Variants in ADCY3 observed in about 807,000 individuals in gnomAD.
ADCY3 encodes the protein adenylate cyclase type 3.
In ADCY3, 70 loss-of-function variants were observed where a neutral mutation model predicts 119.4. The observed-to-expected ratio is 0.59, with a 90% CI of 0.48 to 0.72. The LOEUF (loss-of-function observed/expected upper bound fraction) is 0.72, where lower values mean the gene tolerates loss of function less well. ADCY3 is among the 30% of genes least tolerant of loss of function. The probability of loss-of-function intolerance (pLI) is 0.00; values close to 1 mark genes in which losing one functional copy is unlikely to be tolerated. For synonymous variants in ADCY3, 672 were observed against 621.4 expected, an observed-to-expected ratio of 1.08 and a Z score of -1.21; for missense variants, 1,238 against 1,541.6, an observed-to-expected ratio of 0.80 and a Z score of 3.30.
chr2:24,908,080 G>A (rs1213917706), intron 2 of ADCY3, among the ~76,000 whole-genome samples: 1 of 152,154 alleles, frequency 6.6e-6, no homozygotes, highest in Non-Finnish European at 1.5e-5. Context: ...CCAGCACTTT[G>A]GAAGGCCAAG....
intron 17 of ADCY3, among the ~76,000 whole-genome samples, chr2:24,823,793 G>A (rs901909763): frequency 1.3e-5 from 2 of 150,936 alleles, no homozygotes; most frequent in African/African-American, 2.4e-5. Flanking sequence ...CCGGGTTCAA[G>A]TGAGTCTCCT....
At chr2:24,821,775 A>G in intron 19 of ADCY3, 135 bp from the exon 20 acceptor site, 2 of 1,344,112 alleles carry the variant, frequency 1.5e-6, no homozygotes, top group Non-Finnish European at 2.0e-6. Flanking sequence ...CCTCCCACAA[A>G]GGAGTCGCAG....
intron 3 of ADCY3, among the ~76,000 whole-genome samples, chr2:24,855,414 C>T (rs1055746081): frequency 2.0e-5 from 3 of 152,110 alleles, no homozygotes; most frequent in Non-Finnish European, 2.9e-5. Context: ...TCCCAGAAAC[C>T]GAGAGAGAAG....
At position 24,831,756 on chromosome 2, in the gene ADCY3, CAGAG is replaced by C. The variant is rs746536259; in HGVS notation, c.1968-11_1968-8del. On this transcript the variant is annotated splice_polypyrimidine_tract_variant and splice_region_variant and intron_variant, in intron 11 of 21. Coordinates refer to ENST00000679454, the MANE Select transcript of ADCY3 (RefSeq NM_004036.5). ...CACATAGTTTGTCATTAGCCTGTGACAGAGAGAAGACAATTGGGAGAGGCCAGAG... is the reference window on the plus strand; with the variant it reads ...CACATAGTTTGTCATTAGCCTGTGACAGAAGACAATTGGGAGAGGCCAGAG... The C allele has an allele frequency of 8.9e-6, 14 of 1,572,472 alleles. No homozygotes were observed. The highest frequency in any genetic ancestry group is 1.8e-4 in the Middle Eastern group (1 of 5,444).
At chr2:24,907,720 C>T (rs1012554446) in intron 2 of ADCY3, among the ~76,000 whole-genome samples, 4 of 152,154 alleles carry the variant, frequency 2.6e-5, no homozygotes, top group African/African-American at 4.8e-5. Context: ...CAAGACTGGG[C>T]GCAGTAGCTC....
At position 24,895,248 on chromosome 2, in the gene ADCY3, G is replaced by A. The variant is rs149371014; in HGVS notation, c.676-22529C>T. On this transcript the variant is annotated intron_variant, in intron 2 of 21. Transcript: ENST00000679454. The stretch of plus-strand genomic sequence containing the variant: ...TGGGACTACGGGCACACACCACCAC[G>A]CCCAGCTAATTTTTGTATTTTTAGG... 1.6e-4 allele frequency among the ~76,000 whole-genome samples: 24 copies of A among 151,162 alleles called. No homozygotes were observed. In the East Asian group the frequency reaches 3.5e-3, roughly 22 times the overall value.
Position 24,820,040 on chromosome 2 carries a change from C to G in ADCY3, c.3327G>C (p.Lys1109Asn), listed in dbSNP as rs909892799. Residue 1109 changes from lysine (K) to asparagine (N), a missense_variant, in exon 22 of 22, where the codon AAG (lysine) becomes AAC (asparagine). By Grantham distance (94) the Lys-to-Asn change is moderately conservative. Around this residue, in one of 7 missense-constraint regions of ADCY3, gnomAD observed 86 missense variants for 70.7 expected, o/e 1.22. Coordinates refer to ENST00000679454, the MANE Select transcript of ADCY3 (RefSeq NM_004036.5). Reference protein sequence around the residue: ...RFVRRGPIFVKGKGELLTFFL... With the variant: ...RFVRRGPIFVNGKGELLTFFL... ...AGAAGGTCAGCAGCTCCCCCTTCCC[C>G]TTCACAAAGATGGGGCCTCGCCTCA... 7 of 1,607,938 alleles carry G rather than the reference C, an allele frequency of 4.4e-6. No homozygotes were observed. The highest frequency in any genetic ancestry group is 5.9e-6 in the Non-Finnish European group (7 of 1,177,376).
At chr2:24,901,449 T>C (rs912602309) in intron 2 of ADCY3, among the ~76,000 whole-genome samples, 1 of 152,326 alleles carries the variant, frequency 6.6e-6, no homozygotes, top group African/African-American at 2.4e-5. Flanking sequence ...AGTGAGTATT[T>C]TGAACATTTT....
At chr2:24,853,533 G>A (rs565433201) in intron 3 of ADCY3, among the ~76,000 whole-genome samples, 115 of 142,572 alleles carry the variant, frequency 8.1e-4, no homozygotes, top group Non-Finnish European at 1.2e-3. Context: ...GCAATGGTGC[G>A]ACCTCGGCTC....
intron 2 of ADCY3, among the ~76,000 whole-genome samples, chr2:24,902,087 T>TG (rs1453284733): frequency 1.1e-4 from 16 of 147,746 alleles, no homozygotes; most frequent in Non-Finnish European, 1.8e-4. Context: ...TTTGGTTTTT[T>TG]TTTTTTTTTT....
Position 24,819,654 on chromosome 2 carries a change from GC to G in ADCY3, c.*277del. ...CACCCTCCTGCTCACAGTGGTCAGG[GC>G]CCCTCAGGGGCAAGGACGGCAGGGA... On this transcript the variant is annotated 3_prime_UTR_variant, in exon 22 of 22. Transcript: ENST00000679454. The G allele has an allele frequency of 2.9e-6, 1 of 339,476 alleles. No homozygotes were observed. The highest frequency in any genetic ancestry group is 5.4e-6 in the Non-Finnish European group (1 of 186,184). 21.0% of individuals were successfully genotyped at this position (339,476 alleles called of 1,614,324 possible).
chr2:24,828,050 G>A lies in ADCY3; in HGVS notation c.2284C>T (p.Leu762Phe), dbSNP rs766456461. Reference protein sequence around the residue: ...KYYNYVAVLSLIATIMLVQVS... With the variant: ...KYYNYVAVLSFIATIMLVQVS... The stretch of plus-strand genomic sequence containing the variant: ...TGCACCAGCATGATGGTGGCGATGA[G>A]GGACAGCACGGCCACATAGTTGTAA... The change falls in exon 14 of 22, where the codon CTC (leucine) becomes TTC (phenylalanine). Residue 762 changes from leucine (L) to phenylalanine (F), a missense_variant. Coordinates refer to ENST00000679454, the MANE Select transcript of ADCY3 (RefSeq NM_004036.5). 6.2e-7 allele frequency: 1 copy of A among 1,614,244 alleles called. No homozygotes were observed. Among genetic ancestry groups the A allele is most frequent in the Admixed American group, 1.7e-5 (1 of 60,024 alleles).
chr2:24,906,034 T>A (rs147176876), intron 2 of ADCY3, among the ~76,000 whole-genome samples: 135 of 152,076 alleles, frequency 8.9e-4, no homozygotes, highest in Middle Eastern at 3.4e-3. Context: ...ATGGAAGGGA[T>A]AGGAAATGCC....
rs1018260416 is a variant in ADCY3 at position 24,848,205 on chromosome 2, A to G, written c.826-5821T>C. 4.6e-5 allele frequency among the ~76,000 whole-genome samples: 7 copies of G among 152,258 alleles called. No homozygotes were observed. In the South Asian group the frequency reaches 6.2e-4, roughly 14 times the overall value. On this transcript the variant is annotated intron_variant, in intron 3 of 21. Coordinates refer to ENST00000679454, the MANE Select transcript of ADCY3 (RefSeq NM_004036.5). ...GGGTTTACAGAAATGAGGACAAGGA[A>G]CACCTGGCCTGCCCAGGGTGGAAAA...
In ADCY3 at chr2:24,898,263, G is replaced by A. The variant is rs1028659275; in HGVS notation, c.675+20050C>T. On this transcript the variant is annotated intron_variant, in intron 2 of 21. Transcript: ENST00000679454. This position sits in a 1 kb window ranked among gnomAD's most constrained non-coding sequence, Gnocchi z 4.3. ...GCTTTTCTCTCCACTCTCCCAGTTC[G>A]TGCGCCACAGAGGCCCCCGGGGAGG... Among the ~76,000 whole-genome samples the A allele has an allele frequency of 5.9e-5, 9 of 151,964 alleles. No homozygotes were observed. The highest frequency in any genetic ancestry group is 1.9e-4 in the African/African-American group (8 of 41,372).
chr2:24,876,488 A>C (rs6545776), intron 2 of ADCY3, among the ~76,000 whole-genome samples: 80,477 of 152,114 alleles, frequency 0.53, 23,502 homozygotes, highest in African/African-American at 0.79. Flanking sequence ...AAGATTCAGA[A>C]ATTTCCTGTT....
At chr2:24,871,540 G>C (rs1043025505) in intron 3 of ADCY3, among the ~76,000 whole-genome samples, 1 of 152,234 alleles carries the variant, frequency 6.6e-6, no homozygotes, top group African/African-American at 2.4e-5. Flanking sequence ...GAGAATGTGA[G>C]TGAGGCCCGA....
At chr2:24,860,496 A>G (rs1673498639) in intron 3 of ADCY3, among the ~76,000 whole-genome samples, 1 of 151,886 alleles carries the variant, frequency 6.6e-6, no homozygotes, top group South Asian at 2.1e-4. Flanking sequence ...AGAGCTCCAA[A>G]TCCACAAGGC....
At chr2:24,910,661 C>CTTTTT (rs59644324) in intron 2 of ADCY3, among the ~76,000 whole-genome samples, 133 of 131,428 alleles carry the variant, frequency 1.0e-3, no homozygotes, top group Non-Finnish European at 1.6e-3. Context: ...CTTTTCTTTT[C>CTTTTT]TTTTTTTTTT....
Sources: allele counts gnomAD v4.1 joint callset (sites outside exome capture counted in the v4.1 genomes callset), GRCh38; gene constraint gnomAD v4.1.1; regional missense constraint gnomAD v4.1.1; non-coding constraint Gnocchi (gnomAD v3.1); transcripts MANE v1.5; gene names NCBI Gene and HGNC (gene_info 2026-07-23, HGNC 2026-07-21).